The following MRPL12 variants were observed in gnomAD, a reference collection of about 807,000 sequenced individuals.
The protein encoded by MRPL12 is mitochondrial ribosomal protein L12, also known as large ribosomal subunit protein bL12m.
Under a neutral mutation model 21.1 loss-of-function variants are expected in MRPL12, and 13 were observed. That is an observed-to-expected ratio of 0.62 (90% CI 0.40 to 0.98). The LOEUF (loss-of-function observed/expected upper bound fraction) is 0.98, where lower values mean the gene tolerates loss of function less well. Ranked by LOEUF, MRPL12 falls within the 50% of genes least tolerant of loss-of-function variation. MRPL12 has a pLI of 0.00. For missense variants in MRPL12, 251 were observed against 268.6 expected, an observed-to-expected ratio of 0.93 and a Z score of 0.46; for synonymous variants, 126 against 115.3, an observed-to-expected ratio of 1.09 and a Z score of -0.60.
chr17:81,706,151 C>T (rs764488742), intron 3 of MRPL12, among the ~76,000 whole-genome samples: 1 of 152,148 alleles, frequency 6.6e-6, no homozygotes, highest in African/African-American at 2.4e-5. Context: ...AAAGGAATGG[C>T]GCTGCTTTTA....
chr17:81,707,153 G>A lies in MRPL12; in HGVS notation c.510G>A (p.Gln170=). Residue 170 remains glutamine (Q), a synonymous_variant, in exon 5 of 5, where the codon CAG becomes CAA. Coordinates refer to ENST00000333676, the MANE Select transcript of MRPL12 (RefSeq NM_002949.4). The stretch of plus-strand genomic sequence containing the variant: ...AGAAGCTGGTGGAGTCCCTGCCCCA[G>A]GAAATCAAAGCCAATGTCGCCAAAG... The part of the protein sequence containing the change: ...QAKKLVESLP[Q]EIKANVAKAE... 1 of 1,614,046 alleles carries A rather than the reference G, an allele frequency of 6.2e-7. No individual in the cohort carries two copies. The highest frequency in any genetic ancestry group is 1.1e-5 in the South Asian group (1 of 91,082).
chr17:81,703,460 T>C lies in MRPL12; in HGVS notation c.-42T>C, dbSNP rs973928903. ...CGGCCGAGGCGGCTAGAGCGTCGCC[T>C]CCTCCCGGGGAACCGCGTGTGACCT... is the stretch of plus-strand genomic sequence containing the variant. On this transcript the variant is annotated 5_prime_UTR_variant, in exon 1 of 5. Transcript: ENST00000333676. The C allele has an allele frequency of 6.8e-7, 1 of 1,474,356 alleles. No homozygotes were observed. The highest frequency in any genetic ancestry group is 1.9e-4 in the Middle Eastern group (1 of 5,272). 91.3% of individuals were successfully genotyped at this position (1,474,356 alleles called of 1,614,324 possible). A position where few individuals can be genotyped will look rare whatever the true frequency, so the allele number is the denominator to read the frequency against.
At position 81,704,273 on chromosome 17, in the gene MRPL12, G is replaced by A. The variant is rs777995251; in HGVS notation, c.104G>A (p.Arg35Gln). Residue 35 changes from arginine (R) to glutamine (Q), a missense_variant, in exon 2 of 5, where the codon CGA (arginine) becomes CAA (glutamine). Transcript: ENST00000333676. ...CAGGTGCCATGTGTCTGTGCCGTGC[G>A]ACATATGAGGAGCAGCGGCCATCAG... ...RRQVPCVCAV[R>Q]HMRSSGHQRC... The A allele has an allele frequency of 6.2e-6, 10 of 1,612,294 alleles. No homozygotes were observed. The highest frequency in any genetic ancestry group is 8.5e-6 in the Non-Finnish European group (10 of 1,179,626).
intron 3 of MRPL12, among the ~76,000 whole-genome samples, chr17:81,705,389 C>CAAA (rs758967615): frequency 6.0e-4 from 38 of 62,958 alleles, no homozygotes; most frequent in African/African-American, 1.1e-3. Context: ...GACCCTGTCT[C>CAAA]AAAAAAAAAA....
rs373118482 is a variant in MRPL12 at position 81,704,577 on chromosome 17, A to T, written c.262-56A>T. On this transcript the variant is annotated intron_variant, in intron 2 of 4. Coordinates refer to ENST00000333676, the MANE Select transcript of MRPL12 (RefSeq NM_002949.4). ...CATGCCAGGCTAGTTGCCCCTCCTC[A>T]GTAGGTTCCGGCTGGTGTGAGGGCC... 5 of 1,598,732 alleles carry T rather than the reference A, an allele frequency of 3.1e-6. No individual in the cohort carries two copies. In the African/African-American group the frequency reaches 6.7e-5, roughly 21 times the overall value.
rs1013459967 is a variant in MRPL12 at position 81,704,436 on chromosome 17, G to A, written c.261+6G>A. 3.7e-6 allele frequency: 6 copies of A among 1,609,948 alleles called. No individual in the cohort carries two copies. The African/African-American group carries it at 5.3e-5, about 14-fold the overall frequency. ...ACCTCAACGAGCTCCTGAAGGTATCGTGAGAGGGTGGCACAGACCCAGGGG... is the reference window on the plus strand; with the variant it reads ...ACCTCAACGAGCTCCTGAAGGTATCATGAGAGGGTGGCACAGACCCAGGGG... On this transcript the variant is annotated splice_donor_region_variant and intron_variant, in intron 2 of 4. Coordinates refer to ENST00000333676, the MANE Select transcript of MRPL12 (RefSeq NM_002949.4).
intron 1 of MRPL12, 52 bp from the exon 2 acceptor site, chr17:81,704,192 C>A: frequency 6.5e-7 from 1 of 1,546,184 alleles, no homozygotes; most frequent in Non-Finnish European, 8.8e-7. Flanking sequence ...GTTTCTGCAG[C>A]CCCTTCCATT....
chr17:81,704,991 T>C (rs1018279476), intron 3 of MRPL12, among the ~76,000 whole-genome samples: 1 of 151,984 alleles, frequency 6.6e-6, no homozygotes, highest in African/African-American at 2.4e-5. Flanking sequence ...TCCCAGCGCT[T>C]CGGGAGGCCG....
rs1307778282 is a variant in MRPL12 at position 81,707,372 on chromosome 17, A to C, written c.*132A>C. 4 of 902,368 alleles carry C rather than the reference A, an allele frequency of 4.4e-6. No homozygotes were observed. The highest frequency in any genetic ancestry group is 3.3e-5 in the African/African-American group (2 of 59,816). The allele number at this position is 902,368 out of a possible 1,614,324, so 55.9% of individuals were successfully genotyped here. ...TTTGGGAGAATTGCCTGCGCCACGC[A>C]GCGGGGCCGGACAGGCCGCACAGAC... On this transcript the variant is annotated 3_prime_UTR_variant, in exon 5 of 5. Coordinates refer to ENST00000333676, the MANE Select transcript of MRPL12 (RefSeq NM_002949.4).
At chr17:81,703,693 G>T in intron 1 of MRPL12, 118 bp downstream of exon 1, 1 of 973,880 alleles carries the variant, frequency 1.0e-6, no homozygotes, top group Non-Finnish European at 1.4e-6. Context: ...CGGCCAGGCC[G>T]GGCTTGGGGG....
chr17:81,704,265 T>G lies in MRPL12; in HGVS notation c.96T>G (p.Cys32Trp). 6.2e-7 allele frequency: 1 copy of G among 1,611,302 alleles called. No individual in the cohort carries two copies. The highest frequency in any genetic ancestry group is 8.5e-7 in the Non-Finnish European group (1 of 1,179,280). Residue 32 changes from cysteine (C) to tryptophan (W), a missense_variant, in exon 2 of 5, where the codon TGT (cysteine) becomes TGG (tryptophan). By Grantham distance (215) the Cys-to-Trp change is radical (BLOSUM62 -2). Transcript: ENST00000333676. ...CTAGGCGACAGGTGCCATGTGTCTG[T>G]GCCGTGCGACATATGAGGAGCAGCG... The part of the protein sequence containing the change: ...RLARRQVPCV[C>W]AVRHMRSSGH...
chr17:81,703,720 GGGA>G, intron 1 of MRPL12, 145 bp downstream of exon 1: 2 of 748,344 alleles, frequency 2.7e-6, no homozygotes, highest in Non-Finnish European at 3.8e-6. Context: ...CGGGGGCGCG[GGGA>G]GGAGGCCTCC....
rs1248956279 is a variant in MRPL12 at position 81,707,369 on chromosome 17, C to A, written c.*129C>A. The A allele has an allele frequency of 6.5e-6, 6 of 918,938 alleles. No individual in the cohort carries two copies. The South Asian group carries it at 8.2e-5, about 13-fold the overall frequency. The allele number at this position is 918,938 out of a possible 1,614,324, so 56.9% of individuals were successfully genotyped here. ...CCGTTTGGGAGAATTGCCTGCGCCA[C>A]GCAGCGGGGCCGGACAGGCCGCACA... On this transcript the variant is annotated 3_prime_UTR_variant, in exon 5 of 5. Transcript: ENST00000333676.
intron 3 of MRPL12, 48 bp from the exon 4 acceptor site, chr17:81,706,857 TC>T (rs751554697): frequency 1.5e-5 from 24 of 1,600,026 alleles, no homozygotes; most frequent in Non-Finnish European, 2.0e-5. Context: ...AGGCGTTAGC[TC>T]CCCCCAGCCC....
chr17:81,703,509 C>T lies in MRPL12; in HGVS notation c.8C>T (p.Pro3Leu). ML[P>L]AAARPLWGPC... Reference sequence around the variant, plus strand: ...CTTCCAGCCCGCGGACCGATGCTGCCGGCGGCCGCTCGCCCCCTGTGGGGG... The same window carrying T: ...CTTCCAGCCCGCGGACCGATGCTGCTGGCGGCCGCTCGCCCCCTGTGGGGG... Residue 3 changes from proline (P) to leucine (L), a missense_variant, in exon 1 of 5, where the codon CCG becomes CTG. By Grantham distance (98) the Pro-to-Leu change is moderately conservative. Coordinates refer to ENST00000333676, the MANE Select transcript of MRPL12 (RefSeq NM_002949.4). 1 of 1,484,930 alleles carries T rather than the reference C, an allele frequency of 6.7e-7. No homozygotes were observed. 92.0% of individuals were successfully genotyped at this position (1,484,930 alleles called of 1,614,324 possible). A position where few individuals can be genotyped will look rare whatever the true frequency, so the allele number is the denominator to read the frequency against.
At position 81,707,435 on chromosome 17, in the gene MRPL12, G is replaced by C; in HGVS notation, c.*195G>C. 1.7e-6 allele frequency: 1 copy of C among 587,978 alleles called. No homozygotes were observed. Among genetic ancestry groups the C allele is most frequent in the Non-Finnish European group, 2.9e-6 (1 of 340,816 alleles). 36.4% of individuals were successfully genotyped at this position (587,978 alleles called of 1,614,324 possible). A position where few individuals can be genotyped will look rare whatever the true frequency, so the allele number is the denominator to read the frequency against. On this transcript the variant is annotated 3_prime_UTR_variant, in exon 5 of 5. Transcript: ENST00000333676. The stretch of plus-strand genomic sequence containing the variant: ...GAGGGAGGGGCGGCTGCTGCCTGGT[G>C]ACGGCACCCGGAGGCCCACCAGGAC...
chr17:81,706,506 C>T (rs1039792766), intron 3 of MRPL12, among the ~76,000 whole-genome samples: 5 of 152,148 alleles, frequency 3.3e-5, no homozygotes, highest in Admixed American at 6.5e-5. Context: ...CGTGAGCCAC[C>T]GGAGCCACCA....
intron 4 of MRPL12, 30 bp downstream of exon 4, chr17:81,707,070 G>C: frequency 6.2e-7 from 1 of 1,614,022 alleles, no homozygotes; most frequent in Non-Finnish European, 8.5e-7. Context: ...TTCCGAGGCA[G>C]GTTCCGTTGT....
Position 81,704,354 on chromosome 17 carries a change from C to A in MRPL12, c.185C>A (p.Pro62His), listed in dbSNP as rs202006132. 150 of 1,613,584 alleles carry A rather than the reference C, an allele frequency of 9.3e-5. 1 individual carries two copies. In the Middle Eastern group the frequency reaches 3.8e-3, roughly 41 times the overall value. The part of the protein sequence containing the change: ...PLDNAPKEYP[P>H]KIQQLVQDIA... The stretch of plus-strand genomic sequence containing the variant: ...GATAACGCCCCCAAGGAGTACCCCC[C>A]CAAGATACAGCAGCTGGTCCAGGAC... Residue 62 changes from proline to histidine, a missense_variant, in exon 2 of 5, where the codon CCC (proline) becomes CAC (histidine). Coordinates refer to ENST00000333676, the MANE Select transcript of MRPL12 (RefSeq NM_002949.4).
Sources: allele counts gnomAD v4.1 joint callset (sites outside exome capture counted in the v4.1 genomes callset), GRCh38; gene constraint gnomAD v4.1.1; transcripts MANE v1.5; gene names NCBI Gene and HGNC (gene_info 2026-07-23, HGNC 2026-07-21).